The following REEP3 variants were observed in gnomAD, a reference collection of about 807,000 sequenced individuals.
The protein encoded by REEP3 is receptor accessory protein 3, also known as receptor expression-enhancing protein 3.
REEP3 carries 20 observed loss-of-function variants against 41.3 expected under a neutral mutation model. The ratio of observed to expected loss-of-function variants is 0.48; its 90% CI spans 0.34 to 0.70. The LOEUF is 0.70. Ranked by LOEUF, REEP3 falls within the 30% of genes least tolerant of loss-of-function variation. REEP3 has a pLI of 0.01. For missense variants in REEP3, 271 were observed against 308.8 expected (o/e 0.88, Z 0.92); for synonymous variants, 104 against 101.8 (o/e 1.02, Z -0.13).
intron 6 of REEP3, among the ~76,000 whole-genome samples, chr10:63,616,200 T>A (rs180690910): frequency 1.3e-5 from 2 of 152,298 alleles, no homozygotes; most frequent in Non-Finnish European, 2.9e-5. Flanking sequence ...CATGACTCTT[T>A]GAGGATTTAG....
At chr10:63,522,867 T>C (rs1055704027) in intron 1 of REEP3, among the ~76,000 whole-genome samples, 6 of 152,194 alleles carry the variant, frequency 3.9e-5, no homozygotes, top group Non-Finnish European at 8.8e-5. Flanking sequence ...ATACCACAGA[T>C]GCCTTCAGAT....
chr10:63,544,840 T>C (rs1363309534), intron 1 of REEP3, among the ~76,000 whole-genome samples: 2 of 152,196 alleles, frequency 1.3e-5, no homozygotes, highest in Non-Finnish European at 2.9e-5. Context: ...AAATACCCTA[T>C]GTTAAGATTT....
At chr10:63,532,497 C>T (rs146509548) in intron 1 of REEP3, among the ~76,000 whole-genome samples, 2 of 152,008 alleles carry the variant, frequency 1.3e-5, no homozygotes, top group African/African-American at 2.4e-5. Flanking sequence ...CCTGTCTCTA[C>T]TAAAAATACA....
chr10:63,607,263 G>T (rs560323091), intron 5 of REEP3, among the ~76,000 whole-genome samples: 6 of 152,170 alleles, frequency 3.9e-5, no homozygotes, highest in Non-Finnish European at 8.8e-5. Flanking sequence ...AGTGTTGGAG[G>T]TTCTCAAAGA....
At chr10:63,605,925 T>C (rs1351109433) in intron 5 of REEP3, among the ~76,000 whole-genome samples, 1 of 152,190 alleles carries the variant, frequency 6.6e-6, no homozygotes, top group African/African-American at 2.4e-5. Context: ...CTCAGTTTCT[T>C]ACAGAGGCAT....
At position 63,536,707 on chromosome 10, in the gene REEP3, G is replaced by A. The variant is rs573770038; in HGVS notation, c.32+15130G>A. Among the ~76,000 whole-genome samples the A allele has an allele frequency of 5.4e-3, 826 of 152,132 alleles. 8 individuals are homozygous for A. The highest frequency in any genetic ancestry group is 0.02 in the Middle Eastern group (6 of 294). On this transcript the variant is annotated intron_variant, in intron 1 of 7. Coordinates refer to ENST00000373758, the MANE Select transcript of REEP3 (RefSeq NM_001001330.3). ...AAAAGAAAAGTGGACAAATGAACTGGTATCTCATAGAAGAGGAAACCAATG... is the reference window on the plus strand; with the variant it reads ...AAAAGAAAAGTGGACAAATGAACTGATATCTCATAGAAGAGGAAACCAATG...
At chr10:63,523,410 ATTGT>A (rs1226514621) in intron 1 of REEP3, among the ~76,000 whole-genome samples, 3 of 152,278 alleles carry the variant, frequency 2.0e-5, no homozygotes, top group South Asian at 4.1e-4. Flanking sequence ...AGGAGGGAAG[ATTGT>A]TTGATCACAA....
chr10:63,546,002 A>G (rs1239990373), intron 1 of REEP3, among the ~76,000 whole-genome samples: 1 of 152,168 alleles, frequency 6.6e-6, no homozygotes, highest in Non-Finnish European at 1.5e-5. Context: ...ATTCTGGGGA[A>G]GAGTGTCCCA....
intron 3 of REEP3, 96 bp from the exon 4 acceptor site, chr10:63,597,928 C>A: frequency 1.1e-4 from 104 of 926,464 alleles, no homozygotes; most frequent in Middle Eastern, 3.8e-4. Flanking sequence ...AAACAAAAAA[C>A]AGCATAGTGA....
intron 2 of REEP3, among the ~76,000 whole-genome samples, chr10:63,594,389 AAAAT>A (rs1162416689): frequency 6.6e-6 from 1 of 152,136 alleles, no homozygotes; most frequent in African/African-American, 2.4e-5. Flanking sequence ...ACAAAAAATA[AAAAT>A]AAATAAATAA....
At position 63,607,789 on chromosome 10, in the gene REEP3, C is replaced by G. The variant is rs114759862; in HGVS notation, c.418-2398C>G. On this transcript the variant is annotated intron_variant, in intron 5 of 7. Coordinates refer to ENST00000373758, the MANE Select transcript of REEP3 (RefSeq NM_001001330.3). ...ATACCTATCCCAACAATAGAAGTAA[C>G]AGTAGTACGTGAGTTCATTTGTGAG... Among the ~76,000 whole-genome samples the G allele has an allele frequency of 8.3e-3, 1,261 of 152,244 alleles. 21 individuals are homozygous for G. Among genetic ancestry groups the G allele is most frequent in the African/African-American group, 0.029 (1,201 of 41,538 alleles).
rs772928461 is a variant in REEP3 at position 63,598,096 on chromosome 10, T to G, written c.255T>G (p.Ser85Arg). Residue 85 changes from serine (S) to arginine (R), a missense_variant, in exon 4 of 8, where the codon AGT becomes AGG. By Grantham distance (110) the Ser-to-Arg change is moderately radical. Transcript: ENST00000373758. ...WLLSPYTKGA[S>R]LIYRKFLHPL... The stretch of plus-strand genomic sequence containing the variant: ...TTTCTCCCTATACCAAAGGAGCAAG[T>G]TTAATATATAGAAAATTCCTTCATC... The G allele has an allele frequency of 6.3e-7, 1 of 1,594,838 alleles. No homozygotes were observed. The highest frequency in any genetic ancestry group is 2.2e-5 in the East Asian group (1 of 44,756).
intron 5 of REEP3, among the ~76,000 whole-genome samples, chr10:63,606,391 C>G (rs910009517): frequency 2.2e-5 from 3 of 133,742 alleles, no homozygotes; most frequent in African/African-American, 8.3e-5. Flanking sequence ...TGTCTTTCTT[C>G]TTTCCTTTTT....
In REEP3 at chr10:63,623,463, G is replaced by A. The variant is rs539259516; in HGVS notation, c.*2594G>A. 1.3e-5 allele frequency: 2 copies of A among 152,286 alleles called. No homozygotes were observed. The highest frequency in any genetic ancestry group is 4.1e-4 in the South Asian group (2 of 4,836). 9.4% of individuals were successfully genotyped at this position (152,286 alleles called of 1,614,324 possible). On this transcript the variant is annotated 3_prime_UTR_variant, in exon 8 of 8. Transcript: ENST00000373758. ...TTGCTTTTTCCTCTGCCAGCACATG[G>A]AGCACGGGATTAGATGCACAAACCT...
intron 2 of REEP3, among the ~76,000 whole-genome samples, chr10:63,576,729 A>C (rs1955901932): frequency 6.6e-6 from 1 of 152,146 alleles, no homozygotes; most frequent in Non-Finnish European, 1.5e-5. Flanking sequence ...GTCCAAAATC[A>C]AGTTGCTGCC....
At chr10:63,558,751 T>G (rs1240108307) in intron 1 of REEP3, among the ~76,000 whole-genome samples, 1 of 148,208 alleles carries the variant, frequency 6.7e-6, no homozygotes, top group East Asian at 2.0e-4. Context: ...TCAAAAAAAA[T>G]AAAAAATAGT....
intron 1 of REEP3, among the ~76,000 whole-genome samples, chr10:63,556,657 A>G (rs1282263465): frequency 1.0e-5 from 1 of 96,462 alleles, no homozygotes; most frequent in Non-Finnish European, 1.9e-5. Context: ...TTTTTTTGAG[A>G]CGGAGTCTCG....
In REEP3 at chr10:63,610,409, C is replaced by T. The variant is rs568294809; in HGVS notation, c.565+75C>T. ...GGGAACAACATACACTGGGGCCTGT[C>T]GGGGGGTGGGGCACAAGGAGAGGGA... On this transcript the variant is annotated intron_variant, in intron 6 of 7. Coordinates refer to ENST00000373758, the MANE Select transcript of REEP3 (RefSeq NM_001001330.3). The T allele has an allele frequency of 3.2e-4, 418 of 1,325,350 alleles. 1 individual carries two copies. The highest frequency in any genetic ancestry group is 5.0e-4 in the Admixed American group (22 of 43,736). The allele number at this position is 1,325,350 out of a possible 1,614,324, so 82.1% of individuals were successfully genotyped here. A position where few individuals can be genotyped will look rare whatever the true frequency, so the allele number is the denominator to read the frequency against.
chr10:63,573,203 C>G (rs1589872019), intron 2 of REEP3, among the ~76,000 whole-genome samples: 1 of 152,188 alleles, frequency 6.6e-6, no homozygotes, highest in African/African-American at 2.4e-5. Flanking sequence ...ATTTTGGCAA[C>G]CTTCCTTTCT....
Sources: gnomAD v4.1 joint callset for allele counts (sites outside exome capture counted in the v4.1 genomes callset) on GRCh38, gnomAD v4.1.1 for gene constraint, MANE v1.5 for transcripts, NCBI Gene and HGNC (gene_info 2026-07-23, HGNC 2026-07-21) for gene names.